ALPK1: variants seen among roughly 807,000 people sequenced by gnomAD.
The protein encoded by ALPK1 is alpha kinase 1.
In ALPK1, 110 loss-of-function variants were observed where a neutral mutation model predicts 120.6. That is an observed-to-expected ratio of 0.91 (90% confidence interval 0.78 to 1.07). The LOEUF is 1.07. Ranked by LOEUF, ALPK1 falls within the 50% of genes least tolerant of loss-of-function variation. The pLI is 0.00. For missense variants in ALPK1, 1,498 were observed against 1,483.9 expected (o/e 1.01, Z -0.16); for synonymous variants, 582 against 560.3 (o/e 1.04, Z -0.55).
At chr4:112,417,902 T>A (rs1733812592) in intron 5 of ALPK1, among the ~76,000 whole-genome samples, 1 of 152,164 alleles carries the variant, frequency 6.6e-6, no homozygotes, top group African/African-American at 2.4e-5. Flanking sequence ...TTCAACCGAC[T>A]TAGGTTAAAA....
intron 1 of ALPK1, among the ~76,000 whole-genome samples, chr4:112,299,183 G>A (rs1239570769): frequency 1.3e-5 from 2 of 151,966 alleles, no homozygotes; most frequent in Admixed American, 1.3e-4. Context: ...GTTGTAATAT[G>A]CTTTATTTAT....
At chr4:112,436,895 A>G (rs1734812221) in intron 12 of ALPK1, among the ~76,000 whole-genome samples, 1 of 152,214 alleles carries the variant, frequency 6.6e-6, no homozygotes, top group South Asian at 2.1e-4. Flanking sequence ...AGAGTTCAAT[A>G]TATTTCTGAT....
rs377648431 is a variant in ALPK1, at chr4:112,438,612, C to A, written c.3317C>A (p.Thr1106Asn). The part of the protein sequence containing the change: ...NKRLYEQNIP[T>N]QIFYIPSTIL... ...AGACTCTATGAACAAAACATTCCCACCCAGATATTCTACATCCCATCCACA... is the reference window on the plus strand; with the variant it reads ...AGACTCTATGAACAAAACATTCCCAACCAGATATTCTACATCCCATCCACA... The change falls in exon 13 of 16, where the codon ACC (threonine) becomes AAC (asparagine). Residue 1106 changes from threonine (T) to asparagine (N), a missense_variant. By Grantham distance (65) the Thr-to-Asn change is moderately conservative. Transcript: ENST00000650871. 6.2e-7 allele frequency: 1 copy of A among 1,613,824 alleles called. No homozygotes were observed. Among genetic ancestry groups the A allele is most frequent in the Non-Finnish European group, 8.5e-7 (1 of 1,179,786 alleles).
At chr4:112,306,366 A>G (rs1316597745) in intron 1 of ALPK1, among the ~76,000 whole-genome samples, 3 of 152,044 alleles carry the variant, frequency 2.0e-5, no homozygotes, top group African/African-American at 7.3e-5. Context: ...TCCGCTGTGA[A>G]TCTGTCTGGT....
intron 5 of ALPK1, chr4:112,412,474 T>A (rs1347400894): frequency 2.2e-6 from 1 of 456,856 alleles, no homozygotes; most frequent in Admixed American, 2.4e-5. Context: ...AATTTGAGGG[T>A]TTTTTTTCAT....
At chr4:112,419,012 T>C (rs1733871401) in intron 5 of ALPK1, among the ~76,000 whole-genome samples, 2 of 152,258 alleles carry the variant, frequency 1.3e-5, no homozygotes, top group African/African-American at 4.8e-5. Flanking sequence ...GCTGAACACA[T>C]AGAATACTCC....
Position 112,308,108 on chromosome 4 carries a change from G to A in ALPK1, c.-152-7693G>A, listed in dbSNP as rs1283057797. Among the ~76,000 whole-genome samples the A allele has an allele frequency of 8.5e-5, 13 of 152,190 alleles. No homozygotes were observed. In the South Asian group the frequency reaches 1.0e-3, roughly 12 times the overall value. ...TCTTCTGGCTTGTAGAGTTTCTGCCGAGAGATCAGCTGTTAGTCTGATGGG... is the reference window on the plus strand; with the variant it reads ...TCTTCTGGCTTGTAGAGTTTCTGCCAAGAGATCAGCTGTTAGTCTGATGGG... On this transcript the variant is annotated intron_variant, in intron 1 of 15. Coordinates refer to ENST00000650871, the MANE Select transcript of ALPK1 (RefSeq NM_025144.4).
chr4:112,357,576 C>T, intron 2 of ALPK1: 1 of 1,472,248 alleles, frequency 6.8e-7, no homozygotes, highest in Non-Finnish European at 9.5e-7. Flanking sequence ...CCCCCGGGTC[C>T]TCCTTTGCCC....
chr4:112,379,599 C>G (rs1352360987), intron 3 of ALPK1, among the ~76,000 whole-genome samples: 4 of 152,202 alleles, frequency 2.6e-5, no homozygotes, highest in African/African-American at 9.6e-5. Context: ...CGTGCCGCCA[C>G]CGATGTCGTC....
At chr4:112,327,251 A>G (rs1729153637) in intron 2 of ALPK1, among the ~76,000 whole-genome samples, 1 of 152,218 alleles carries the variant, frequency 6.6e-6, no homozygotes, top group Non-Finnish European at 1.5e-5. Context: ...TCTTTAATAA[A>G]CTGCATCACC....
intron 5 of ALPK1, among the ~76,000 whole-genome samples, chr4:112,420,051 A>G (rs1733922628): frequency 1.3e-5 from 2 of 152,208 alleles, no homozygotes; most frequent in South Asian, 4.1e-4. Flanking sequence ...CAATTCAAAC[A>G]TGTATTTGGA....
intron 12 of ALPK1, among the ~76,000 whole-genome samples, chr4:112,437,832 A>T (rs1038528488): frequency 6.6e-6 from 1 of 152,230 alleles, no homozygotes; most frequent in Non-Finnish European, 1.5e-5. Flanking sequence ...CTCTGGGCAC[A>T]TGTGAAATTA....
intron 4 of ALPK1, among the ~76,000 whole-genome samples, chr4:112,410,506 G>A (rs372721997): frequency 6.6e-6 from 1 of 152,214 alleles, no homozygotes; most frequent in South Asian, 2.1e-4. Context: ...AGGATTATGT[G>A]GTGATGAAAG....
intron 2 of ALPK1, among the ~76,000 whole-genome samples, chr4:112,373,444 C>T (rs1280563092): frequency 6.6e-6 from 1 of 152,190 alleles, no homozygotes; most frequent in African/African-American, 2.4e-5. Flanking sequence ...TTAAAAGGGA[C>T]ATTGGAAACC....
At chr4:112,301,818 T>C (rs1354436225) in intron 1 of ALPK1, among the ~76,000 whole-genome samples, 1 of 152,186 alleles carries the variant, frequency 6.6e-6, no homozygotes, top group Admixed American at 6.5e-5. Flanking sequence ...GTGATTGTGA[T>C]CACGGCTCAT....
chr4:112,412,516 G>A (rs747837341), intron 5 of ALPK1: 4 of 434,330 alleles, frequency 9.2e-6, no homozygotes, highest in Admixed American at 2.7e-5. Flanking sequence ...ACCTGATTAG[G>A]TCTTAAAGTA....
intron 4 of ALPK1, among the ~76,000 whole-genome samples, chr4:112,393,250 T>C (rs1732504882): frequency 6.6e-6 from 1 of 152,130 alleles, no homozygotes; most frequent in East Asian, 1.9e-4. Context: ...CCCAGAAATA[T>C]ATTGGCAGAT....
chr4:112,327,889 T>G (rs1450118747), intron 2 of ALPK1, among the ~76,000 whole-genome samples: 1 of 152,148 alleles, frequency 6.6e-6, no homozygotes, highest in Non-Finnish European at 1.5e-5. Flanking sequence ...AAAAGAAGAG[T>G]GCAGTCAATA....
rs986116466 is a variant in ALPK1 at position 112,307,886 on chromosome 4, T to C, written c.-152-7915T>C. 4.5e-4 allele frequency among the ~76,000 whole-genome samples: 69 copies of C among 152,266 alleles called. 1 individual carries two copies. Among genetic ancestry groups the C allele is most frequent in the African/African-American group, 1.4e-3 (59 of 41,504 alleles). On this transcript the variant is annotated intron_variant, in intron 1 of 15. Coordinates refer to ENST00000650871, the MANE Select transcript of ALPK1 (RefSeq NM_025144.4). ...GGCATGTTTTTGCAGTGGCTGGTAC[T>C]GGTTTTTCCTTTCCATGTTTCGTGC...
Sources: gnomAD v4.1 joint callset for allele counts (sites outside exome capture counted in the v4.1 genomes callset) on GRCh38, gnomAD v4.1.1 for gene constraint, MANE v1.5 for transcripts, NCBI Gene and HGNC (gene_info 2026-07-23, HGNC 2026-07-21) for gene names.